Variants in NCKAP5 observed in about 807,000 individuals in gnomAD.
The protein encoded by NCKAP5 is nck-associated protein 5.
In NCKAP5, 92 loss-of-function variants were observed where a neutral mutation model predicts 167.0. The ratio of observed to expected loss-of-function variants is 0.55; its 90% CI spans 0.47 to 0.66. The LOEUF is 0.66. Among genes scored for constraint, NCKAP5 ranks in the 30% least tolerant of loss-of-function variants. The pLI, the probability that NCKAP5 is intolerant of heterozygous loss-of-function variation, is 0.00. For synonymous variants in NCKAP5, 891 were observed against 877.4 expected, an observed-to-expected ratio of 1.02 and a Z score of -0.27; for missense variants, 2,378 against 2,315.0, an observed-to-expected ratio of 1.03 and a Z score of -0.56.
chr2:133,625,080 A>C, the NCKAP5 span, among the ~76,000 whole-genome samples: 1 of 152,368 alleles, frequency 6.6e-6, no homozygotes, highest in Admixed American at 6.5e-5. Flanking sequence ...GAAACTTTTC[A>C]GTAATCAATT....
At chr2:133,291,093 A>T (rs760632768) in intron 4 of NCKAP5, among the ~76,000 whole-genome samples, 95 of 152,304 alleles carry the variant, frequency 6.2e-4, no homozygotes, top group Admixed American at 1.6e-3. Flanking sequence ...ATAATGTGCT[A>T]AGTCACTTAG....
intron 5 of NCKAP5, among the ~76,000 whole-genome samples, chr2:133,142,490 G>C (rs945170488): frequency 6.6e-6 from 1 of 152,102 alleles, no homozygotes; most frequent in Non-Finnish European, 1.5e-5. Context: ...GTGTTCTCAG[G>C]TGCCCTTTTT....
chr2:133,415,334 G>C (rs1366607066), intron 3 of NCKAP5, among the ~76,000 whole-genome samples: 2 of 152,224 alleles, frequency 1.3e-5, no homozygotes, highest in Non-Finnish European at 2.9e-5. Flanking sequence ...TTACTCTACT[G>C]TATTGAAAGT....
intron 5 of NCKAP5, among the ~76,000 whole-genome samples, chr2:133,150,236 T>C (rs2083338904): frequency 6.6e-6 from 1 of 152,190 alleles, no homozygotes; most frequent in Non-Finnish European, 1.5e-5. Context: ...ATGCACATTC[T>C]AGCTCTGTCC....
chr2:132,870,278 A>G (rs1690703864), intron 9 of NCKAP5, among the ~76,000 whole-genome samples: 1 of 152,170 alleles, frequency 6.6e-6, no homozygotes, highest in African/African-American at 2.4e-5. Context: ...CTTCACTATT[A>G]CCTTGAAGCT....
chr2:133,025,230 C>T (rs996962474), intron 6 of NCKAP5, among the ~76,000 whole-genome samples: 5 of 152,160 alleles, frequency 3.3e-5, no homozygotes, highest in African/African-American at 1.2e-4. Flanking sequence ...AAACTTTTTC[C>T]TACATTGGGG....
At chr2:133,181,603 CAAAAAAAAAA>C (rs34264277) in intron 5 of NCKAP5, among the ~76,000 whole-genome samples, 5 of 71,158 alleles carry the variant, frequency 7.0e-5, no homozygotes, top group African/African-American at 1.7e-4. Context: ...CCCATCTCTA[CAAAAAAAAAA>C]AAAAAAAAAA....
intron 6 of NCKAP5, among the ~76,000 whole-genome samples, chr2:133,021,934 A>ACTC: frequency 6.6e-6 from 1 of 151,914 alleles, no homozygotes; most frequent in Non-Finnish European, 1.5e-5. Flanking sequence ...CCCAGCCTAA[A>ACTC]CTCTAGTTCT....
intron 11 of NCKAP5, among the ~76,000 whole-genome samples, chr2:132,798,175 T>C (rs1222301718): frequency 6.6e-6 from 1 of 152,194 alleles, no homozygotes; most frequent in Non-Finnish European, 1.5e-5. Flanking sequence ...TGGACAGTTT[T>C]TATAATCCTA....
chr2:132,874,127 G>C (rs1483597970), intron 9 of NCKAP5, among the ~76,000 whole-genome samples: 1 of 47,544 alleles, frequency 2.1e-5, no homozygotes, highest in African/African-American at 8.4e-5. Flanking sequence ...TTTTTTTTTT[G>C]AGATGGAGTC....
intron 13 of NCKAP5, among the ~76,000 whole-genome samples, chr2:132,789,710 G>C (rs1232584173): frequency 6.6e-6 from 1 of 152,158 alleles, no homozygotes; most frequent in African/African-American, 2.4e-5. Context: ...CTGTGCAGAT[G>C]GGAGTCATTC....
upstream of NCKAP5, among the ~76,000 whole-genome samples, chr2:133,569,695 C>T (rs968111395): frequency 6.6e-6 from 1 of 152,208 alleles, no homozygotes; most frequent in Admixed American, 6.5e-5. Context: ...CCTCACATCT[C>T]ACTACCCCCA....
chr2:132,837,591 A>G (rs1337396031), intron 11 of NCKAP5, among the ~76,000 whole-genome samples: 5 of 150,812 alleles, frequency 3.3e-5, no homozygotes, highest in Admixed American at 6.6e-5. Context: ...TGTTTTTTCA[A>G]TTTTCTTCTG....
At chr2:132,691,437 G>GTTC (rs1264846135) in intron 19 of NCKAP5, among the ~76,000 whole-genome samples, 1 of 151,964 alleles carries the variant, frequency 6.6e-6, no homozygotes, top group African/African-American at 2.4e-5. Flanking sequence ...CCTCTCTGTG[G>GTTC]TTCTGCTCCA....
At chr2:132,770,532 C>T (rs1234404203) in intron 16 of NCKAP5, among the ~76,000 whole-genome samples, 1 of 150,588 alleles carries the variant, frequency 6.6e-6, no homozygotes, top group Non-Finnish European at 1.5e-5. Context: ...TACTTGTGGC[C>T]AGCAGTAGCT....
At chr2:133,135,554 T>C (rs1358334675) in intron 5 of NCKAP5, among the ~76,000 whole-genome samples, 1 of 152,152 alleles carries the variant, frequency 6.6e-6, no homozygotes, top group Non-Finnish European at 1.5e-5. Context: ...GACTACGGTA[T>C]GGAGAAAGAA....
At chr2:132,927,845 T>C (rs759811604) in intron 8 of NCKAP5, among the ~76,000 whole-genome samples, 1 of 152,152 alleles carries the variant, frequency 6.6e-6, no homozygotes, top group Non-Finnish European at 1.5e-5. Flanking sequence ...TATTAAGAAG[T>C]TGGGCAAAGG....
At chr2:133,088,229 C>T (rs1470040663) in intron 6 of NCKAP5, among the ~76,000 whole-genome samples, 2 of 152,126 alleles carry the variant, frequency 1.3e-5, no homozygotes, top group Non-Finnish European at 2.9e-5. Flanking sequence ...TAAACATAGC[C>T]CATGCTTCAG....
rs116801893 is a variant in NCKAP5 at position 133,154,138 on chromosome 2, G to A, written c.208-24027C>T. On this transcript the variant is annotated intron_variant, in intron 5 of 19. Coordinates refer to ENST00000409261, the MANE Select transcript of NCKAP5 (RefSeq NM_207363.3). Reference sequence around the variant, plus strand: ...ATTACAGGCGTGAGCCACCACTCCCGGCCAGTTCCTCCTTCTTGAAACTCT... The same window carrying A: ...ATTACAGGCGTGAGCCACCACTCCCAGCCAGTTCCTCCTTCTTGAAACTCT... 5.9e-3 allele frequency among the ~76,000 whole-genome samples: 897 copies of A among 152,080 alleles called. 6 individuals are homozygous for A. The highest frequency in any genetic ancestry group is 0.019 in the African/African-American group (797 of 41,466).
Sources: gnomAD v4.1 joint callset for allele counts (sites outside exome capture counted in the v4.1 genomes callset) on GRCh38, gnomAD v4.1.1 for gene constraint, MANE v1.5 for transcripts, NCBI Gene and HGNC (gene_info 2026-07-23, HGNC 2026-07-21) for gene names.